Variants in SEZ6L observed in about 807,000 individuals in gnomAD.
SEZ6L encodes the protein seizure related 6 homolog like, also known as seizure 6-like protein.
A neutral mutation model predicts 106.2 loss-of-function variants in SEZ6L; 37 were observed. That is an observed-to-expected ratio of 0.35 (90% CI 0.27 to 0.46). The LOEUF (loss-of-function observed/expected upper bound fraction) is 0.46. Ranked by LOEUF, SEZ6L falls within the 20% of genes least tolerant of loss-of-function variation. The probability of loss-of-function intolerance (pLI) is 1.00; values close to 1 mark genes in which losing one functional copy is unlikely to be tolerated. For synonymous variants in SEZ6L, 541 were observed against 570.4 expected, an observed-to-expected ratio of 0.95 and a Z score of 0.73; for missense variants, 1,172 against 1,332.8, an observed-to-expected ratio of 0.88 and a Z score of 1.88.
intron 13 of SEZ6L, among the ~76,000 whole-genome samples, chr22:26,368,774 C>T (rs1260906160): frequency 6.6e-6 from 1 of 151,706 alleles, no homozygotes; most frequent in Admixed American, 6.6e-5. Context: ...CCTGAATCAC[C>T]TCTGTTAAGT....
At chr22:26,332,760 T>G (rs1034627151) in intron 9 of SEZ6L, among the ~76,000 whole-genome samples, 11 of 152,204 alleles carry the variant, frequency 7.2e-5, no homozygotes, top group Non-Finnish European at 7.3e-5. Context: ...TCTGAATATT[T>G]AATTTGTGTT....
chr22:26,255,392 G>C, intron 1 of SEZ6L, among the ~76,000 whole-genome samples: 1 of 152,178 alleles, frequency 6.6e-6, no homozygotes, highest in East Asian at 1.9e-4. Context: ...AATCCCCTCT[G>C]CTGTGTAAAC....
rs146724055 is a variant in SEZ6L at position 26,362,542 on chromosome 22, T to C, written c.2600-2830T>C. ...TTTAATTAAATTGTCCATTTACACA[T>C]TTGCTTGGCCCCTTAGAGCATGCAG... On this transcript the variant is annotated intron_variant, in intron 12 of 16. Coordinates refer to ENST00000248933, the MANE Select transcript of SEZ6L (RefSeq NM_021115.5). Among the ~76,000 whole-genome samples, 389 of 152,326 alleles carry C rather than the reference T, an allele frequency of 2.6e-3. 2 individuals are homozygous for C. The highest frequency in any genetic ancestry group is 9.0e-3 in the African/African-American group (375 of 41,574).
intron 6 of SEZ6L, among the ~76,000 whole-genome samples, chr22:26,307,899 C>G (rs1310475442): frequency 6.6e-6 from 1 of 152,032 alleles, no homozygotes; most frequent in Non-Finnish European, 1.5e-5. Flanking sequence ...GACAAATGGG[C>G]CCCCCACTGG....
At chr22:26,211,804 TAAAAAAAAAAAAAAAAA>T (rs56124325) in intron 1 of SEZ6L, among the ~76,000 whole-genome samples, 3 of 48,092 alleles carry the variant, frequency 6.2e-5, no homozygotes, top group African/African-American at 2.6e-4. Context: ...ACCTCGTCTC[TAAAAAAAAAAAAAAAAA>T]AAAAAAAATT....
chr22:26,239,689 A>T (rs779732079), intron 1 of SEZ6L, among the ~76,000 whole-genome samples: 1 of 152,056 alleles, frequency 6.6e-6, no homozygotes, highest in Non-Finnish European at 1.5e-5. Context: ...GGGGCAACTT[A>T]TCTTCCCCTG....
At chr22:26,176,196 G>T (rs1301520684) in intron 1 of SEZ6L, among the ~76,000 whole-genome samples, 1 of 152,244 alleles carries the variant, frequency 6.6e-6, no homozygotes, top group Non-Finnish European at 1.5e-5. Flanking sequence ...ACAAGCACTT[G>T]CTCAGGGTCT....
At chr22:26,296,180 G>A (rs907175884) in intron 3 of SEZ6L, among the ~76,000 whole-genome samples, 28 of 151,984 alleles carry the variant, frequency 1.8e-4, no homozygotes, top group African/African-American at 6.8e-4. Flanking sequence ...AAAGTATCTC[G>A]CTTCTTTCTT....
At chr22:26,375,464 A>G in intron 14 of SEZ6L, 111 bp from the exon 15 acceptor site, 2 of 801,426 alleles carry the variant, frequency 2.5e-6, no homozygotes, top group East Asian at 2.6e-5. Context: ...GCCCTCCCAG[A>G]GCCTTAGACC....
intron 1 of SEZ6L, among the ~76,000 whole-genome samples, chr22:26,212,810 G>A (rs970229358): frequency 6.6e-6 from 1 of 152,112 alleles, no homozygotes; most frequent in Non-Finnish European, 1.5e-5. Context: ...GAGATGAGAG[G>A]AAAAGCCAAA....
intron 1 of SEZ6L, among the ~76,000 whole-genome samples, chr22:26,197,445 T>TTTA (rs1248934462): frequency 1.3e-5 from 2 of 152,110 alleles, no homozygotes; most frequent in African/African-American, 4.8e-5. Context: ...ACTGGGTGAG[T>TTTA]AAGTAACATT....
At position 26,277,597 on chromosome 22, in the gene SEZ6L, C is replaced by G. The variant is rs942330845; in HGVS notation, c.95-14809C>G. Reference sequence around the variant, plus strand: ...CACGTTTATCTAGGATTAATTTTACCAAGGATTAACCTTTGTGATAACCAG... The same window carrying G: ...CACGTTTATCTAGGATTAATTTTACGAAGGATTAACCTTTGTGATAACCAG... On this transcript the variant is annotated intron_variant, in intron 1 of 16. Transcript: ENST00000248933. 3.9e-5 allele frequency among the ~76,000 whole-genome samples: 6 copies of G among 152,120 alleles called. No individual in the cohort carries two copies. The East Asian group carries it at 1.2e-3, about 29-fold the overall frequency.
intron 1 of SEZ6L, among the ~76,000 whole-genome samples, chr22:26,181,669 T>C (rs1939404373): frequency 6.6e-6 from 1 of 152,074 alleles, no homozygotes. Context: ...GAAATGAAAA[T>C]GATAAATGGA....
chr22:26,208,034 C>T (rs1026780744), intron 1 of SEZ6L, among the ~76,000 whole-genome samples: 1 of 151,800 alleles, frequency 6.6e-6, no homozygotes, highest in African/African-American at 2.4e-5. Context: ...CTCAGCCTCT[C>T]GTGTAGCTGG....
At chr22:26,233,275 C>T (rs186691920) in intron 1 of SEZ6L, among the ~76,000 whole-genome samples, 1 of 152,208 alleles carries the variant, frequency 6.6e-6, no homozygotes, top group African/African-American at 2.4e-5. Flanking sequence ...CCTCATGCGG[C>T]GCCTCTTCCT....
chr22:26,195,533 C>A (rs1353846583), intron 1 of SEZ6L, among the ~76,000 whole-genome samples: 4 of 152,034 alleles, frequency 2.6e-5, no homozygotes, highest in Non-Finnish European at 5.9e-5. Context: ...AGTAAGCACT[C>A]AATATATTCT....
chr22:26,330,059 C>T (rs1231438207), intron 9 of SEZ6L, among the ~76,000 whole-genome samples: 1 of 152,226 alleles, frequency 6.6e-6, no homozygotes, highest in Non-Finnish European at 1.5e-5. Flanking sequence ...GTTTCCTCAT[C>T]TGGAAAATGG....
At chr22:26,267,666 G>T (rs2080233331) in intron 1 of SEZ6L, among the ~76,000 whole-genome samples, 1 of 152,174 alleles carries the variant, frequency 6.6e-6, no homozygotes, top group South Asian at 2.1e-4. Flanking sequence ...TTTTAATTGT[G>T]CAAGAGACAG....
chr22:26,347,589 G>T, intron 10 of SEZ6L, 130 bp from the exon 11 acceptor site: 1 of 682,466 alleles, frequency 1.5e-6, no homozygotes, highest in Non-Finnish European at 2.3e-6. Flanking sequence ...CCAGTTAAGC[G>T]ATTTTGGAAG....
Sources: gnomAD v4.1 joint callset for allele counts (sites outside exome capture counted in the v4.1 genomes callset) on GRCh38, gnomAD v4.1.1 for gene constraint, MANE v1.5 for transcripts, NCBI Gene and HGNC (gene_info 2026-07-23, HGNC 2026-07-21) for gene names.